Variants in NCBP3 observed in about 807,000 individuals in gnomAD.
The protein encoded by NCBP3 is nuclear cap-binding protein subunit 3.
Under a neutral mutation model 75.7 loss-of-function variants are expected in NCBP3, and 20 were observed. That is an observed-to-expected ratio of 0.26 (90% CI 0.19 to 0.38). The LOEUF (loss-of-function observed/expected upper bound fraction) is 0.38, where lower values mean the gene tolerates loss of function less well. Among genes scored for constraint, NCBP3 ranks in the 10% least tolerant of loss-of-function variants. NCBP3 has a pLI of 1.00. For synonymous variants in NCBP3, 293 were observed against 290.5 expected (o/e 1.01, Z -0.09); for missense variants, 678 against 796.9 (o/e 0.85, Z 1.80).
At chr17:3,844,719 A>G (rs115000837) in intron 1 of NCBP3, among the ~76,000 whole-genome samples, 1,782 of 152,250 alleles carry the variant, frequency 0.012, 35 homozygotes, top group African/African-American at 0.04. Flanking sequence ...GCACGGTGGC[A>G]CATCCCTGTA....
intron 9 of NCBP3, 71 bp downstream of exon 9, chr17:3,821,178 T>C (rs1026277953): frequency 8.2e-6 from 9 of 1,101,824 alleles, no homozygotes; most frequent in African/African-American, 7.7e-5. Flanking sequence ...CCTTAAAAGA[T>C]TGCATTAAGA....
chr17:3,822,660 G>A (rs926032769), intron 7 of NCBP3: 2 of 152,226 alleles, frequency 1.3e-5, no homozygotes, highest in African/African-American at 4.8e-5. Flanking sequence ...AGGAAAGAAA[G>A]GTGGTCAGTC....
intron 11 of NCBP3, 29 bp from the exon 12 acceptor site, chr17:3,814,512 A>ACCGTGT: frequency 6.2e-7 from 1 of 1,611,776 alleles, no homozygotes; most frequent in Non-Finnish European, 8.5e-7. Context: ...TGCACCAGTG[A>ACCGTGT]CCGTGTGTGT....
chr17:3,836,091 G>A (rs1346967753), intron 3 of NCBP3, among the ~76,000 whole-genome samples: 1 of 152,204 alleles, frequency 6.6e-6, no homozygotes, highest in Admixed American at 6.5e-5. Flanking sequence ...CTGGCACATA[G>A]TAAGCACTTA....
At chr17:3,836,751 G>A (rs1298089414) in intron 3 of NCBP3, among the ~76,000 whole-genome samples, 1 of 151,966 alleles carries the variant, frequency 6.6e-6, no homozygotes, top group Non-Finnish European at 1.5e-5. Flanking sequence ...AGGCCATAGA[G>A]CTAGAAAGTA....
At position 3,807,475 on chromosome 17, in the gene NCBP3, G is replaced by A. The variant is rs7218244; in HGVS notation, c.*5569C>T. 19,348 of 151,788 alleles carry A rather than the reference G, an allele frequency of 0.13. 2,269 individuals are homozygous for A. Among genetic ancestry groups the A allele is most frequent in the African/African-American group, 0.31 (12,771 of 41,308 alleles). The allele number at this position is 151,788 out of a possible 1,614,324, so 9.4% of individuals were successfully genotyped here. Reference sequence around the variant, plus strand: ...TTTTTCGAATCTGGGGCTTTCATCTGGAATTAGACTAACCTGCAGACAGTG... The same window carrying A: ...TTTTTCGAATCTGGGGCTTTCATCTAGAATTAGACTAACCTGCAGACAGTG... On this transcript the variant is annotated 3_prime_UTR_variant, in exon 13 of 13. Transcript: ENST00000389005.
intron 3 of NCBP3, among the ~76,000 whole-genome samples, chr17:3,838,607 G>A (rs901015100): frequency 1.3e-5 from 2 of 152,184 alleles, no homozygotes; most frequent in South Asian, 4.1e-4. Context: ...AATATCAGTC[G>A]ATAGCACCAC....
In NCBP3 at chr17:3,813,159, G is replaced by GC. The variant is rs926574894; in HGVS notation, c.1747dup (p.Ala583GlyfsTer4). The GC allele has an allele frequency of 1.2e-6, 2 of 1,614,098 alleles. No individual in the cohort carries two copies. Among genetic ancestry groups the GC allele is most frequent in the African/African-American group, 1.3e-5 (1 of 74,918 alleles). Reference sequence around the variant, plus strand: ...AGACTGCTCTTTCTCCTTAATCAGAGCCCCCCATGCCCTTTGCAGCTCAGA... The same window carrying GC: ...AGACTGCTCTTTCTCCTTAATCAGAGCCCCCCCATGCCCTTTGCAGCTCAGA... On this transcript the variant is annotated frameshift_variant, in exon 13 of 13. Transcript: ENST00000389005. LOFTEE classifies it high-confidence loss of function.
In NCBP3 at chr17:3,818,514, T is replaced by TTCCTCCTCCTCCTCCTCTTCCTCC. The variant is rs2053596894; in HGVS notation, c.1035_1058dup (p.Glu352_Glu359dup). ...CCTGGTCTTCTTCTTCCTCTTCCTCTTCCTCCTCCTCCTCCTCTTCCTCCT... is the reference window on the plus strand; with the variant it reads ...CCTGGTCTTCTTCTTCCTCTTCCTCTTCCTCCTCCTCCTCCTCTTCCTCCTCCTCCTCCTCCTCCTCTTCCTCCT... On this transcript the variant is annotated inframe_insertion, in exon 10 of 13. Coordinates refer to ENST00000389005, the MANE Select transcript of NCBP3 (RefSeq NM_001114118.3). This position sits in a 1 kb window ranked among gnomAD's most constrained non-coding sequence, Gnocchi z 4.7. 1 of 1,602,690 alleles carries TTCCTCCTCCTCCTCCTCTTCCTCC rather than the reference T, an allele frequency of 6.2e-7. No homozygotes were observed. Among genetic ancestry groups the TTCCTCCTCCTCCTCCTCTTCCTCC allele is most frequent in the Non-Finnish European group, 8.5e-7 (1 of 1,173,030 alleles).
Position 3,814,425 on chromosome 17 carries a change from G to C in NCBP3, c.1524C>G (p.Asn508Lys), listed in dbSNP as rs765662426. The C allele has an allele frequency of 1.2e-6, 2 of 1,614,090 alleles. No individual in the cohort carries two copies. The highest frequency in any genetic ancestry group is 1.7e-6 in the Non-Finnish European group (2 of 1,180,056). Residue 508 changes from asparagine to lysine, a missense_variant, in exon 12 of 13, where the codon AAC becomes AAG. Physicochemically the swap from Asn to Lys is moderately conservative, Grantham distance 94 (BLOSUM62 0). This residue lies in a region of NCBP3 where 365 missense variants were observed against 392.7 expected (regional missense o/e 0.93). Transcript: ENST00000389005. ...AAGAGGGCTCTCTCCGAACGACGGG[G>C]TTACTACTAAAAGCCTTTTCCGGAG... Reference protein sequence around the residue: ...PHSPEKAFSSNPVVRREPSSD... With the variant: ...PHSPEKAFSSKPVVRREPSSD...
rs1009615606 is a variant in NCBP3, at chr17:3,803,749, C to T, written c.*9295G>A. On this transcript the variant is annotated 3_prime_UTR_variant, in exon 13 of 13. Transcript: ENST00000389005. Reference sequence around the variant, plus strand: ...ATTTTAAAAAATTTTTTTCTTTCTCCCCTTGATACCAGGAAGAATAAAGTT... The same window carrying T: ...ATTTTAAAAAATTTTTTTCTTTCTCTCCTTGATACCAGGAAGAATAAAGTT... 6.6e-6 allele frequency: 1 copy of T among 151,894 alleles called. No homozygotes were observed. Among genetic ancestry groups the T allele is most frequent in the Admixed American group, 6.6e-5 (1 of 15,244 alleles). 9.4% of individuals were successfully genotyped at this position (151,894 alleles called of 1,614,324 possible). A position where few individuals can be genotyped will look rare whatever the true frequency, so the allele number is the denominator to read the frequency against.
chr17:3,812,545 A>T lies in NCBP3; in HGVS notation c.*499T>A. On this transcript the variant is annotated 3_prime_UTR_variant, in exon 13 of 13. Transcript: ENST00000389005. ...GTCAGGTCCGTGAGATTCGCCCCAC[A>T]CTAGGGTCCCGGAAGGGTGAGCTGG... 2 of 1,004,756 alleles carry T rather than the reference A, an allele frequency of 2.0e-6. No homozygotes were observed. Among genetic ancestry groups the T allele is most frequent in the Non-Finnish European group, 2.4e-6 (2 of 841,470 alleles). The allele number at this position is 1,004,756 out of a possible 1,614,324, so 62.2% of individuals were successfully genotyped here. A position where few individuals can be genotyped will look rare whatever the true frequency, so the allele number is the denominator to read the frequency against.
chr17:3,817,261 G>C (rs536174244), intron 10 of NCBP3, among the ~76,000 whole-genome samples: 1 of 152,170 alleles, frequency 6.6e-6, no homozygotes, highest in East Asian at 1.9e-4. Context: ...GCATTAGAAA[G>C]AATGGTAATA....
rs1460775346 is a variant in NCBP3, at chr17:3,802,473, G to A, written c.*10571C>T. 2 of 152,156 alleles carry A rather than the reference G, an allele frequency of 1.3e-5. No homozygotes were observed. The highest frequency in any genetic ancestry group is 4.8e-5 in the African/African-American group (2 of 41,424). The allele number at this position is 152,156 out of a possible 1,614,324, so 9.4% of individuals were successfully genotyped here. A position where few individuals can be genotyped will look rare whatever the true frequency, so the allele number is the denominator to read the frequency against. The stretch of plus-strand genomic sequence containing the variant: ...GGTTATGTGAGATTACAATTCACCG[G>A]TTTCCATCCTGTATGAAACAGAAGT... On this transcript the variant is annotated 3_prime_UTR_variant, in exon 13 of 13. Transcript: ENST00000389005.
At chr17:3,829,185 A>G in intron 4 of NCBP3, 58 bp downstream of exon 4, 13 of 1,538,596 alleles carry the variant, frequency 8.4e-6, no homozygotes, top group Non-Finnish European at 1.1e-5. Flanking sequence ...TCTGATGGCA[A>G]GAACTCTTGA....
chr17:3,820,844 T>C (rs567475258), intron 9 of NCBP3, among the ~76,000 whole-genome samples: 4 of 152,050 alleles, frequency 2.6e-5, no homozygotes, highest in South Asian at 2.1e-4. Flanking sequence ...GGCAGGAGAA[T>C]TGCTTGAATC....
intron 3 of NCBP3, among the ~76,000 whole-genome samples, chr17:3,834,649 C>A (rs749605366): frequency 6.6e-6 from 1 of 152,154 alleles, no homozygotes; most frequent in Non-Finnish European, 1.5e-5. Flanking sequence ...GTGGCTCATG[C>A]CTGTAATCCC....
intron 3 of NCBP3, among the ~76,000 whole-genome samples, chr17:3,835,620 T>C (rs557739345): frequency 1.3e-5 from 2 of 152,362 alleles, no homozygotes; most frequent in South Asian, 2.1e-4. Flanking sequence ...AAAAATAAAG[T>C]TGCCTGTCTC....
At position 3,802,961 on chromosome 17, in the gene NCBP3, T is replaced by A. The variant is rs1284881148; in HGVS notation, c.*10083A>T. On this transcript the variant is annotated 3_prime_UTR_variant, in exon 13 of 13. Coordinates refer to ENST00000389005, the MANE Select transcript of NCBP3 (RefSeq NM_001114118.3). ...GGACTCATCCTGCATCCATCCAGTA[T>A]GTATTTATCCAAGCGTCAGTGCCTC... 6.6e-6 allele frequency: 1 copy of A among 152,228 alleles called. No individual in the cohort carries two copies. Among genetic ancestry groups the A allele is most frequent in the Admixed American group, 6.5e-5 (1 of 15,282 alleles). 9.4% of individuals were successfully genotyped at this position (152,228 alleles called of 1,614,324 possible).
Sources: gnomAD v4.1 joint callset for allele counts (sites outside exome capture counted in the v4.1 genomes callset) on GRCh38, gnomAD v4.1.1 for gene constraint, gnomAD v4.1.1 regional missense constraint, Gnocchi (gnomAD v3.1) non-coding constraint, MANE v1.5 for transcripts, NCBI Gene and HGNC (gene_info 2026-07-23, HGNC 2026-07-21) for gene names.